Variants in B4GALT1 observed in about 807,000 individuals in gnomAD.
B4GALT1 encodes the protein beta-1,4-galactosyltransferase 1.
B4GALT1 carries 16 observed loss-of-function variants against 34.9 expected under a neutral mutation model. The observed-to-expected ratio is 0.46, with a 90% CI of 0.31 to 0.70. The LOEUF (loss-of-function observed/expected upper bound fraction) is 0.70, where lower values mean the gene tolerates loss of function less well. B4GALT1 is among the 30% of genes least tolerant of loss of function. B4GALT1 has a pLI of 0.05. For synonymous variants in B4GALT1, 221 were observed against 218.1 expected, an observed-to-expected ratio of 1.01 and a Z score of -0.12; for missense variants, 445 against 530.5, an observed-to-expected ratio of 0.84 and a Z score of 1.58.
At chr9:33,149,576 C>T (rs1840480770) in intron 1 of B4GALT1, among the ~76,000 whole-genome samples, 2 of 152,164 alleles carry the variant, frequency 1.3e-5, no homozygotes, top group Admixed American at 6.5e-5. Flanking sequence ...TGAGCTACTA[C>T]GCCCGGCCAG....
Position 33,113,044 on chromosome 9 carries a change from A to G in B4GALT1, c.*410T>C, listed in dbSNP as rs1334324996. On this transcript the variant is annotated 3_prime_UTR_variant, in exon 6 of 6. Coordinates refer to ENST00000379731, the MANE Select transcript of B4GALT1 (RefSeq NM_001497.4). Reference sequence around the variant, plus strand: ...TTACAACTACCAAAAAGATCACACCAATCCAATTTTAGCAGCACTCTCCGA... The same window carrying G: ...TTACAACTACCAAAAAGATCACACCGATCCAATTTTAGCAGCACTCTCCGA... 7.0e-6 allele frequency: 2 copies of G among 286,998 alleles called. No individual in the cohort carries two copies. The highest frequency in any genetic ancestry group is 1.4e-5 in the Non-Finnish European group (2 of 146,074). The allele number at this position is 286,998 out of a possible 1,614,324, so 17.8% of individuals were successfully genotyped here.
downstream of B4GALT1, among the ~76,000 whole-genome samples, chr9:33,109,188 G>A (rs559259175): frequency 1.3e-5 from 2 of 152,278 alleles, no homozygotes; most frequent in South Asian, 4.1e-4. Context: ...AATGGCCGAT[G>A]ATGTAGTCTA....
At chr9:33,164,824 T>C (rs1048457697) in intron 1 of B4GALT1, among the ~76,000 whole-genome samples, 3 of 152,178 alleles carry the variant, frequency 2.0e-5, no homozygotes, top group Non-Finnish European at 4.4e-5. Flanking sequence ...ACCTGGCCTT[T>C]TTCTGGCCTG....
At chr9:33,124,421 A>G (rs1451567822) in intron 2 of B4GALT1, among the ~76,000 whole-genome samples, 3 of 152,070 alleles carry the variant, frequency 2.0e-5, no homozygotes, top group Non-Finnish European at 4.4e-5. Flanking sequence ...GGTACATCAC[A>G]CCTCCAGGCC....
intron 1 of B4GALT1, among the ~76,000 whole-genome samples, chr9:33,137,264 C>T (rs1472523360): frequency 6.6e-6 from 1 of 152,206 alleles, no homozygotes; most frequent in African/African-American, 2.4e-5. Context: ...TTCTCTTTGC[C>T]AGAAATGCCC....
intron 2 of B4GALT1, among the ~76,000 whole-genome samples, chr9:33,128,841 T>A (rs952803416): frequency 2.0e-5 from 3 of 152,204 alleles, no homozygotes; most frequent in African/African-American, 7.2e-5. Context: ...TCTCCCCAGT[T>A]GATCTTGACC....
chr9:33,157,176 T>C (rs1444101791), intron 1 of B4GALT1, among the ~76,000 whole-genome samples: 3 of 144,392 alleles, frequency 2.1e-5, no homozygotes, highest in Admixed American at 2.1e-4. Context: ...GAAGTGTCAG[T>C]GTGAGGCTCC....
chr9:33,148,803 G>GGAA (rs1840465282), intron 1 of B4GALT1, among the ~76,000 whole-genome samples: 1 of 48,728 alleles, frequency 2.1e-5, no homozygotes, highest in Non-Finnish European at 4.0e-5. Context: ...GTGCCTAAAA[G>GGAA]TAAAAAAAAA....
chr9:33,122,845 A>G (rs1019523928), intron 2 of B4GALT1, among the ~76,000 whole-genome samples: 5 of 152,186 alleles, frequency 3.3e-5, no homozygotes, highest in Non-Finnish European at 7.4e-5. Context: ...TCATGGGTTC[A>G]AAGAAATTCA....
chr9:33,151,496 T>C (rs1361071529), intron 1 of B4GALT1, among the ~76,000 whole-genome samples: 1 of 152,222 alleles, frequency 6.6e-6, no homozygotes, highest in South Asian at 2.1e-4. Context: ...CAAGTACTCC[T>C]GGCAATATCT....
chr9:33,113,238 TA>T lies in B4GALT1; in HGVS notation c.*215del. On this transcript the variant is annotated 3_prime_UTR_variant, in exon 6 of 6. Coordinates refer to ENST00000379731, the MANE Select transcript of B4GALT1 (RefSeq NM_001497.4). ...ACACATCAAGAAACCCGCAAAGGCA[TA>T]AACACCTTGCAGAGCTAAGAATTCA... 1 of 652,056 alleles carries T rather than the reference TA, an allele frequency of 1.5e-6. No homozygotes were observed. Among genetic ancestry groups the T allele is most frequent in the Admixed American group, 2.4e-5 (1 of 41,932 alleles). 40.4% of individuals were successfully genotyped at this position (652,056 alleles called of 1,614,324 possible). A position where few individuals can be genotyped will look rare whatever the true frequency, so the allele number is the denominator to read the frequency against.
Position 33,135,430 on chromosome 9 carries a change from G to A in B4GALT1, c.413-6C>T, listed in dbSNP as rs1449791010. ...CTCAATCAGCATGGGGCCCACTAGA[G>A]AGGTGGAGGGAGGGAGAAGTTAGCA... On this transcript the variant is annotated splice_polypyrimidine_tract_variant and splice_region_variant and intron_variant, in intron 1 of 5. Transcript: ENST00000379731. 3 of 1,613,402 alleles carry A rather than the reference G, an allele frequency of 1.9e-6. No homozygotes were observed. The highest frequency in any genetic ancestry group is 3.3e-5 in the Admixed American group (2 of 59,920).
At chr9:33,131,555 TTCTG>T (rs1840193569) in intron 2 of B4GALT1, among the ~76,000 whole-genome samples, 1 of 152,208 alleles carries the variant, frequency 6.6e-6, no homozygotes, top group Admixed American at 6.5e-5. Flanking sequence ...TGAGCATTAC[TTCTG>T]TCTAATCTTA....
chr9:33,168,953 G>T (rs1009439871), upstream of B4GALT1, among the ~76,000 whole-genome samples: 2 of 152,134 alleles, frequency 1.3e-5, no homozygotes, highest in Non-Finnish European at 2.9e-5. Flanking sequence ...AATCTAAAAG[G>T]TGTCCTTGAT....
chr9:33,175,369 G>A, the B4GALT1 span, among the ~76,000 whole-genome samples: 1 of 152,086 alleles, frequency 6.6e-6, no homozygotes, highest in African/African-American at 2.4e-5. Flanking sequence ...AAACTTGGAT[G>A]GGGACTAAGC....
the B4GALT1 span, among the ~76,000 whole-genome samples, chr9:33,183,543 G>A: frequency 3.8e-5 from 5 of 132,486 alleles, 1 homozygote; most frequent in Admixed American, 7.7e-5. Flanking sequence ...AACAAAAAAC[G>A]AAACACCGCA....
At chr9:33,166,069 AG>A (rs1289938787) in intron 1 of B4GALT1, among the ~76,000 whole-genome samples, 1 of 151,142 alleles carries the variant, frequency 6.6e-6, no homozygotes, top group African/African-American at 2.4e-5. Context: ...GGAGGAGGCT[AG>A]GGGGAAGGGC....
chr9:33,115,912 G>A, intron 4 of B4GALT1, 79 bp downstream of exon 4: 1 of 1,552,202 alleles, frequency 6.4e-7, no homozygotes, highest in Non-Finnish European at 8.8e-7. Flanking sequence ...GTCAGTCCTT[G>A]GGGAACAACC....
chr9:33,157,515 T>C (rs1327243055), intron 1 of B4GALT1, among the ~76,000 whole-genome samples: 2 of 152,182 alleles, frequency 1.3e-5, no homozygotes, highest in African/African-American at 4.8e-5. Flanking sequence ...ATAAACAACA[T>C]AACATTTTAT....
Sources: allele counts gnomAD v4.1 joint callset (sites outside exome capture counted in the v4.1 genomes callset), GRCh38; gene constraint gnomAD v4.1.1; transcripts MANE v1.5; gene names NCBI Gene and HGNC (gene_info 2026-07-23, HGNC 2026-07-21).